Variants in TNRC6B observed in about 807,000 individuals in gnomAD.
The protein encoded by TNRC6B is trinucleotide repeat-containing gene 6B protein.
In TNRC6B, 52 loss-of-function variants were observed where a neutral mutation model predicts 203.6. That is an observed-to-expected ratio of 0.26 (90% CI 0.20 to 0.32). The LOEUF (loss-of-function observed/expected upper bound fraction) is 0.32, where lower values mean the gene tolerates loss of function less well. Among genes scored for constraint, TNRC6B ranks in the 10% least tolerant of loss-of-function variants. The pLI, the probability that TNRC6B is intolerant of heterozygous loss-of-function variation, is 1.00. For synonymous variants in TNRC6B, 838 were observed against 845.7 expected, an observed-to-expected ratio of 0.99 and a Z score of 0.16; for missense variants, 1,923 against 2,286.2, an observed-to-expected ratio of 0.84 and a Z score of 3.24.
In TNRC6B at chr22:40,312,620, T is replaced by C. The variant is rs766016959; in HGVS notation, c.4551T>C (p.Thr1517=). ...CAGCCACATCTCCCATTGTAGATAC[T>C]GACCACCAACTGCTGCGGGATAACA... ...GGTATSPIVD[T]DHQLLRDNTT... is the part of the protein sequence containing the mutation. The change falls in exon 18 of 23, where the codon ACT becomes ACC. Residue 1517 remains threonine, a synonymous_variant. Coordinates refer to ENST00000454349, the MANE Select transcript of TNRC6B (RefSeq NM_001162501.2). 1 of 1,613,296 alleles carries C rather than the reference T, an allele frequency of 6.2e-7. No homozygotes were observed. Among genetic ancestry groups the C allele is most frequent in the Non-Finnish European group, 8.5e-7 (1 of 1,179,720 alleles).
chr22:40,053,320 T>C (rs1019133708), intron 1 of TNRC6B, among the ~76,000 whole-genome samples: 1 of 152,204 alleles, frequency 6.6e-6, no homozygotes, highest in Admixed American at 6.5e-5. Flanking sequence ...GTTCCATAAT[T>C]ATTGTAATTA....
At chr22:40,099,941 T>C (rs61660574) in intron 1 of TNRC6B, among the ~76,000 whole-genome samples, 8,660 of 152,066 alleles carry the variant, frequency 0.057, 792 homozygotes, top group African/African-American at 0.19. Context: ...TTAGCAGAGA[T>C]GGGGTTTTAC....
chr22:40,095,051 TGTC>T (rs1388646309), intron 1 of TNRC6B, among the ~76,000 whole-genome samples: 7 of 152,200 alleles, frequency 4.6e-5, no homozygotes, highest in Admixed American at 4.6e-4. Context: ...GCTAGAGTGT[TGTC>T]GTTTCATGAG....
In TNRC6B at chr22:40,167,704, CAAAAAAAAAAAAA is replaced by C. The variant is rs58022219; in HGVS notation, c.113+11536_113+11548del. Among the ~76,000 whole-genome samples the C allele has an allele frequency of 9.9e-3, 583 of 59,046 alleles. 6 individuals are homozygous for C. Among genetic ancestry groups the C allele is most frequent in the African/African-American group, 0.037 (541 of 14,770 alleles). The allele number at this position is 59,046 out of a possible 152,430, so 38.7% of individuals were successfully genotyped here. On this transcript the variant is annotated intron_variant, in intron 4 of 23. Transcript: ENST00000301923. ...GACCAGCATAGATTCCCATCGCTAC[CAAAAAAAAAAAAA>C]AAAAAAAAAAAAAGCTGGCCATGGT...
chr22:40,102,834 T>C lies in TNRC6B; in HGVS notation c.-120-14221T>C, dbSNP rs542441274. Among the ~76,000 whole-genome samples, 7 of 152,098 alleles carry C rather than the reference T, an allele frequency of 4.6e-5. No homozygotes were observed. The South Asian group carries it at 1.5e-3, about 32-fold the overall frequency. On this transcript the variant is annotated intron_variant, in intron 1 of 23. Coordinates refer to the TNRC6B transcript ENST00000301923. ...TGGCTCACACCTGTAATCCCAGCACTTTGGGAGGCTGAGGCCGGTGGATCA... is the reference window on the plus strand; with the variant it reads ...TGGCTCACACCTGTAATCCCAGCACCTTGGGAGGCTGAGGCCGGTGGATCA...
At chr22:40,057,851 G>A (rs1204149986) in intron 1 of TNRC6B, among the ~76,000 whole-genome samples, 2 of 152,174 alleles carry the variant, frequency 1.3e-5, no homozygotes, top group Admixed American at 1.3e-4. Flanking sequence ...CTCATGCTCA[G>A]TAATATCCTT....
intron 1 of TNRC6B, among the ~76,000 whole-genome samples, chr22:40,238,623 C>G (rs2069982352): frequency 6.6e-6 from 1 of 152,082 alleles, no homozygotes; most frequent in Admixed American, 6.5e-5. Flanking sequence ...CCCCAGATAC[C>G]CACATGGCCC....
intron 4 of TNRC6B, among the ~76,000 whole-genome samples, chr22:40,263,112 T>G (rs2070412281): frequency 6.6e-6 from 1 of 152,106 alleles, no homozygotes; most frequent in Non-Finnish European, 1.5e-5. Context: ...TAAGAAATTC[T>G]AAATATCTTT....
At chr22:40,241,769 C>CT (rs1225433328) in intron 1 of TNRC6B, among the ~76,000 whole-genome samples, 1 of 152,198 alleles carries the variant, frequency 6.6e-6, no homozygotes, top group Non-Finnish European at 1.5e-5. Context: ...TGTTTTGAAA[C>CT]TATGTGACTA....
chr22:40,091,550 T>A (rs908027763), intron 1 of TNRC6B, among the ~76,000 whole-genome samples: 1 of 152,220 alleles, frequency 6.6e-6, no homozygotes, highest in African/African-American at 2.4e-5. Context: ...GATTACTTGA[T>A]GGTATTGGGA....
chr22:40,237,023 G>A (rs1372707893), intron 1 of TNRC6B, among the ~76,000 whole-genome samples: 3 of 152,102 alleles, frequency 2.0e-5, no homozygotes, highest in Non-Finnish European at 2.9e-5. Flanking sequence ...AAATTAGCTG[G>A]GCGTGGTGGT....
chr22:40,283,964 G>C (rs1274476719), intron 11 of TNRC6B, among the ~76,000 whole-genome samples: 1 of 152,174 alleles, frequency 6.6e-6, no homozygotes, highest in Non-Finnish European at 1.5e-5. Context: ...TAATAACTAA[G>C]TCATTACTTT....
intron 9 of TNRC6B, 40 bp downstream of exon 9, chr22:40,278,084 G>T (rs1469702216): frequency 2.0e-6 from 3 of 1,514,026 alleles, no homozygotes; most frequent in Admixed American, 3.9e-5. Context: ...GTATATCAGT[G>T]TTACAGTGTC....
rs146129020 is a variant in TNRC6B, at chr22:40,292,686, G to A, written c.3708+6916G>A. ...TCCTCTGCAGCCCAGGCGGGCGTGAGCAGGTGTTTGCCTGGAGCCTAGTGG... is the reference window on the plus strand; with the variant it reads ...TCCTCTGCAGCCCAGGCGGGCGTGAACAGGTGTTTGCCTGGAGCCTAGTGG... On this transcript the variant is annotated intron_variant, in intron 12 of 22. Transcript: ENST00000454349. Among the ~76,000 whole-genome samples the A allele has an allele frequency of 2.0e-3, 309 of 152,356 alleles. 1 individual carries two copies. Among genetic ancestry groups the A allele is most frequent in the African/African-American group, 7.2e-3 (298 of 41,596 alleles).
At chr22:40,308,101 A>G (rs907995604) in intron 15 of TNRC6B, among the ~76,000 whole-genome samples, 8 of 152,068 alleles carry the variant, frequency 5.3e-5, no homozygotes, top group Admixed American at 5.2e-4. Context: ...CCTAGATCAC[A>G]TCTTCCTTCT....
rs1353067701 is a variant in TNRC6B, at chr22:40,334,937, T to C, written c.*11696T>C. ...GGAAGGTACAGCAAAAATCCTCTCA[T>C]CTGAAACACTGTCAGCAGAAACAAA... On this transcript the variant is annotated 3_prime_UTR_variant, in exon 23 of 23. Transcript: ENST00000454349. 6.6e-6 allele frequency: 1 copy of C among 152,410 alleles called. No individual in the cohort carries two copies. Among genetic ancestry groups the C allele is most frequent in the Non-Finnish European group, 1.5e-5 (1 of 68,000 alleles). 9.4% of individuals were successfully genotyped at this position (152,410 alleles called of 1,614,324 possible). A position where few individuals can be genotyped will look rare whatever the true frequency, so the allele number is the denominator to read the frequency against.
rs1474066656 is a variant in TNRC6B, at chr22:40,265,532, T to G, written c.1302T>G (p.Thr434=). 6.2e-7 allele frequency: 1 copy of G among 1,613,796 alleles called. No individual in the cohort carries two copies. The highest frequency in any genetic ancestry group is 8.5e-7 in the Non-Finnish European group (1 of 1,179,886). ...SWGAARGPSG[T]DTVSGQSNSG... is the part of the protein sequence containing the mutation. ...GTGCAGCTAGGGGGCCTTCTGGAAC[T>G]GACACAGTCTCTGGACAAAGCAATT... The change falls in exon 5 of 23, where the codon ACT becomes ACG. Residue 434 remains threonine (T), a synonymous_variant. Coordinates refer to ENST00000454349, the MANE Select transcript of TNRC6B (RefSeq NM_001162501.2).
chr22:40,247,316 G>GA (rs764019474), intron 2 of TNRC6B, among the ~76,000 whole-genome samples: 3 of 152,156 alleles, frequency 2.0e-5, no homozygotes, highest in Non-Finnish European at 4.4e-5. Context: ...AAGAAACTGT[G>GA]ATAAGGTTCA....
chr22:40,229,776 G>A (rs912873988), intron 1 of TNRC6B, among the ~76,000 whole-genome samples: 10 of 152,126 alleles, frequency 6.6e-5, no homozygotes, highest in Non-Finnish European at 1.3e-4. Flanking sequence ...CATCCATGTT[G>A]TGTTTAACAA....
Sources: allele counts gnomAD v4.1 joint callset (sites outside exome capture counted in the v4.1 genomes callset), GRCh38; gene constraint gnomAD v4.1.1; transcripts MANE v1.5; gene names NCBI Gene and HGNC (gene_info 2026-07-23, HGNC 2026-07-21).